CDH13: variants seen among roughly 807,000 people sequenced by gnomAD.
CDH13 encodes cadherin 13, also known as cadherin-13.
In CDH13, 24 loss-of-function variants were observed where a neutral mutation model predicts 63.8. The observed-to-expected ratio is 0.38, with a 90% CI of 0.27 to 0.53. The LOEUF (loss-of-function observed/expected upper bound fraction) is 0.53, where lower values mean the gene tolerates loss of function less well. Among genes scored for constraint, CDH13 ranks in the 20% least tolerant of loss-of-function variants. The probability of loss-of-function intolerance (pLI) is 0.85; values close to 1 mark genes in which losing one functional copy is unlikely to be tolerated. For synonymous variants in CDH13, 503 were observed against 355.3 expected, an observed-to-expected ratio of 1.42 and a Z score of -4.67; for missense variants, 1,049 against 903.1, an observed-to-expected ratio of 1.16 and a Z score of -2.07.
intron 10 of CDH13, among the ~76,000 whole-genome samples, chr16:83,694,475 T>C (rs927649588): frequency 2.6e-5 from 4 of 152,180 alleles, no homozygotes; most frequent in Non-Finnish European, 4.4e-5. Flanking sequence ...TCCAAAACCC[T>C]TCCACAAGTG....
intron 6 of CDH13, among the ~76,000 whole-genome samples, chr16:83,443,551 G>A (rs2072546604): frequency 6.6e-6 from 1 of 151,744 alleles, no homozygotes; most frequent in Admixed American, 6.6e-5. Context: ...ATCATGTTGA[G>A]TATAAAGCAC....
intron 2 of CDH13, among the ~76,000 whole-genome samples, chr16:82,974,964 T>C (rs1036267025): frequency 6.6e-6 from 1 of 152,254 alleles, no homozygotes; most frequent in African/African-American, 2.4e-5. Flanking sequence ...ACTTTGACTG[T>C]AATGGCGCTG....
At chr16:83,772,454 C>G (rs531615431) in intron 11 of CDH13, among the ~76,000 whole-genome samples, 1 of 152,310 alleles carries the variant, frequency 6.6e-6, no homozygotes, top group South Asian at 2.1e-4. Context: ...AAATGCCAGT[C>G]TGCAACTGCT....
intron 11 of CDH13, among the ~76,000 whole-genome samples, chr16:83,778,462 A>T (rs1302271341): frequency 6.6e-6 from 1 of 151,864 alleles, no homozygotes; most frequent in Non-Finnish European, 1.5e-5. Context: ...CCGAGGAGGC[A>T]GAGGTTGCAG....
intron 8 of CDH13, among the ~76,000 whole-genome samples, chr16:83,653,151 G>T (rs1417505991): frequency 6.6e-6 from 1 of 152,186 alleles, no homozygotes; most frequent in Non-Finnish European, 1.5e-5. Flanking sequence ...CCGGGAGTGG[G>T]TGAAGAATGG....
At chr16:83,672,273 T>C (rs989862946) in intron 9 of CDH13, among the ~76,000 whole-genome samples, 35 of 152,148 alleles carry the variant, frequency 2.3e-4, no homozygotes, top group African/African-American at 7.2e-4. Flanking sequence ...TTCTCACAGT[T>C]CTGGAGCTTA....
intron 3 of CDH13, among the ~76,000 whole-genome samples, chr16:83,117,104 CT>C (rs746659078): frequency 1.3e-5 from 2 of 152,240 alleles, no homozygotes; most frequent in Non-Finnish European, 2.9e-5. Flanking sequence ...CCCTTTGAGT[CT>C]ATTCTCCACA....
intron 1 of CDH13, among the ~76,000 whole-genome samples, chr16:82,656,548 G>A (rs1462749959): frequency 6.6e-6 from 1 of 152,116 alleles, no homozygotes; most frequent in African/African-American, 2.4e-5. Context: ...TGGTACATTT[G>A]TTACAGTCAA....
At position 82,801,700 on chromosome 16, in the gene CDH13, G is replaced by A. The variant is rs113534681; in HGVS notation, c.46-56662G>A. 9.9e-5 allele frequency among the ~76,000 whole-genome samples: 15 copies of A among 152,284 alleles called. 1 individual carries two copies. The highest frequency in any genetic ancestry group is 2.4e-4 in the African/African-American group (10 of 41,560). On this transcript the variant is annotated intron_variant, in intron 1 of 13. Coordinates refer to ENST00000567109, the MANE Select transcript of CDH13 (RefSeq NM_001257.5). Reference sequence around the variant, plus strand: ...GCTGGGTCAGCCTCTTCGTCTACCCGTACATGACATACAAAATTATTCCAT... The same window carrying A: ...GCTGGGTCAGCCTCTTCGTCTACCCATACATGACATACAAAATTATTCCAT...
At chr16:83,652,439 G>T (rs1007331659) in intron 8 of CDH13, among the ~76,000 whole-genome samples, 3 of 152,158 alleles carry the variant, frequency 2.0e-5, no homozygotes, top group Non-Finnish European at 1.5e-5. Flanking sequence ...CATGCTGGGG[G>T]TGGGATTCTC....
intron 5 of CDH13, among the ~76,000 whole-genome samples, chr16:83,306,957 T>A (rs1399184912): frequency 6.6e-6 from 1 of 152,216 alleles, no homozygotes; most frequent in Non-Finnish European, 1.5e-5. Context: ...AAGAAAATCA[T>A]GTTTGTTTCC....
chr16:82,922,790 C>T (rs978044891), intron 2 of CDH13, among the ~76,000 whole-genome samples: 1 of 152,166 alleles, frequency 6.6e-6, no homozygotes, highest in Non-Finnish European at 1.5e-5. Flanking sequence ...GAGCCACTAG[C>T]TAGTCTGTGC....
intron 1 of CDH13, among the ~76,000 whole-genome samples, chr16:82,765,057 C>A (rs531936215): frequency 2.0e-5 from 3 of 152,190 alleles, no homozygotes; most frequent in Non-Finnish European, 4.4e-5. Flanking sequence ...CTCAGATGAT[C>A]TGCCTACCTT....
At chr16:83,431,206 C>G (rs1304183529) in intron 6 of CDH13, among the ~76,000 whole-genome samples, 2 of 151,756 alleles carry the variant, frequency 1.3e-5, no homozygotes, top group African/African-American at 2.4e-5. Context: ...TTTTCTTAAT[C>G]CAGTCTATCA....
intron 4 of CDH13, among the ~76,000 whole-genome samples, chr16:83,156,505 G>C (rs1161726425): frequency 2.0e-5 from 3 of 152,158 alleles, no homozygotes; most frequent in Non-Finnish European, 4.4e-5. Context: ...GATTGCCTGT[G>C]TGTCCAAGCT....
At chr16:83,438,239 T>C (rs2151491930) in intron 6 of CDH13, among the ~76,000 whole-genome samples, 1 of 152,324 alleles carries the variant, frequency 6.6e-6, no homozygotes, top group Middle Eastern at 3.4e-3. Context: ...TATTTGGTCT[T>C]TGGTATTCAC....
At chr16:83,736,702 G>A (rs1911572323) in intron 10 of CDH13, among the ~76,000 whole-genome samples, 1 of 152,172 alleles carries the variant, frequency 6.6e-6, no homozygotes, top group Non-Finnish European at 1.5e-5. Context: ...ATCACCCCTG[G>A]AAATAAATCT....
intron 7 of CDH13, among the ~76,000 whole-genome samples, chr16:83,540,267 G>A (rs74513273): frequency 0.041 from 6,301 of 152,086 alleles, 286 homozygotes; most frequent in Admixed American, 0.15. Context: ...ATGAGTAAGC[G>A]CCAAACTGGT....
At chr16:83,650,596 TA>T (rs1912279675) in intron 8 of CDH13, among the ~76,000 whole-genome samples, 1 of 152,154 alleles carries the variant, frequency 6.6e-6, no homozygotes, top group African/African-American at 2.4e-5. Context: ...ACACATTTTT[TA>T]TTGTCACAGC....
Sources: allele counts gnomAD v4.1 joint callset (sites outside exome capture counted in the v4.1 genomes callset), GRCh38; gene constraint gnomAD v4.1.1; transcripts MANE v1.5; gene names NCBI Gene and HGNC (gene_info 2026-07-23, HGNC 2026-07-21).